MAPK10: variants seen among roughly 807,000 people sequenced by gnomAD.
The protein encoded by MAPK10 is JNK3 alpha protein kinase.
MAPK10 carries 25 observed loss-of-function variants against 59.3 expected under a neutral mutation model. The observed-to-expected ratio is 0.42, with a 90% CI of 0.31 to 0.59. The LOEUF is 0.59. Ranked by LOEUF, MAPK10 falls within the 20% of genes least tolerant of loss-of-function variation. The probability of loss-of-function intolerance (pLI) is 0.15; values close to 1 mark genes in which losing one functional copy is unlikely to be tolerated. For missense variants in MAPK10, 351 were observed against 568.9 expected (o/e 0.62, Z 3.90); for synonymous variants, 190 against 200.5 (o/e 0.95, Z 0.44).
intron 1 of MAPK10, among the ~76,000 whole-genome samples, chr4:86,571,187 GT>G (rs1008918750): frequency 4.6e-4 from 65 of 140,018 alleles, no homozygotes; most frequent in South Asian, 6.8e-4. Flanking sequence ...AATACTTAGG[GT>G]TTTTTTTTTA....
chr4:86,542,582 C>G lies in MAPK10; in HGVS notation c.-263+51328G>C, dbSNP rs1310774841. The stretch of plus-strand genomic sequence containing the variant: ...CGCACCTGTGAATAGCCACTGCACT[C>G]TAGCCTGGGCAACGTGAGACTCTCT... On this transcript the variant is annotated intron_variant, in intron 1 of 4. Coordinates refer to the MAPK10 transcript ENST00000502302. The G allele has an allele frequency of 1.9e-5, 3 of 154,282 alleles. No homozygotes were observed. The Admixed American group carries it at 2.0e-4, about 10-fold the overall frequency. 9.6% of individuals were successfully genotyped at this position (154,282 alleles called of 1,614,324 possible).
chr4:86,245,330 G>A (rs1335824245), intron 2 of MAPK10, among the ~76,000 whole-genome samples: 1 of 72,816 alleles, frequency 1.4e-5, no homozygotes, highest in Admixed American at 1.3e-4. Flanking sequence ...TTTTTTTTTT[G>A]AGACAGGCTC....
At chr4:86,362,511 C>T (rs2148985875), upstream of MAPK10, among the ~76,000 whole-genome samples, 1 of 151,640 alleles carries the variant, frequency 6.6e-6, no homozygotes, top group Non-Finnish European at 1.5e-5. Flanking sequence ...CTAGATGATA[C>T]ATATATCTGA....
chr4:86,028,287 T>G (rs1751351435), intron 13 of MAPK10: 2 of 152,142 alleles, frequency 1.3e-5, no homozygotes, highest in Admixed American at 6.5e-5. Context: ...GGGAAAAACT[T>G]GGGATAAAAC....
At chr4:86,176,063 A>T (rs2075624374) in intron 3 of MAPK10, 1 of 152,182 alleles carries the variant, frequency 6.6e-6, no homozygotes, top group Non-Finnish European at 1.5e-5. Flanking sequence ...ACCAAAGTGG[A>T]CATTCTTCTT....
intron 2 of MAPK10, among the ~76,000 whole-genome samples, chr4:86,221,329 C>T (rs1014792446): frequency 2.6e-5 from 4 of 152,246 alleles, no homozygotes; most frequent in South Asian, 2.1e-4. Flanking sequence ...AAAGCCACAT[C>T]GGATGGCTAC....
chr4:86,499,451 G>A (rs1270758278), intron 1 of MAPK10, among the ~76,000 whole-genome samples: 10 of 152,100 alleles, frequency 6.6e-5, no homozygotes, highest in South Asian at 2.1e-4. Flanking sequence ...TTGTTGGTTC[G>A]GTTATTTTCT....
Position 86,393,305 on chromosome 4 carries a change from T to C in MAPK10, c.-121-38661A>G, listed in dbSNP as rs921174627. Among the ~76,000 whole-genome samples the C allele has an allele frequency of 8.0e-4, 121 of 152,196 alleles. 1 individual carries two copies. Among genetic ancestry groups the C allele is most frequent in the African/African-American group, 2.8e-3 (116 of 41,536 alleles). On this transcript the variant is annotated intron_variant, in intron 1 of 13. Transcript: ENST00000361569. ...GGCCATCTAAGTTCTTTTCTTGCAA[T>C]TTCCACTTCTATATCAAATCAATGA... is the stretch of plus-strand genomic sequence containing the variant.
intron 1 of MAPK10, among the ~76,000 whole-genome samples, chr4:86,384,400 G>A (rs1262647189): frequency 1.3e-5 from 2 of 152,144 alleles, no homozygotes; most frequent in Non-Finnish European, 1.5e-5. Flanking sequence ...GAAGGCCAGC[G>A]ATGGATGGGA....
At chr4:86,124,010 T>C (rs1001342399) in intron 4 of MAPK10, 3 of 152,056 alleles carry the variant, frequency 2.0e-5, no homozygotes, top group Admixed American at 6.6e-5. Flanking sequence ...AATAAAGCTA[T>C]GGAAGGTCAT....
At chr4:86,584,464 C>T (rs1018642135) in intron 1 of MAPK10, among the ~76,000 whole-genome samples, 7 of 152,002 alleles carry the variant, frequency 4.6e-5, no homozygotes, top group African/African-American at 1.2e-4. Flanking sequence ...GGAGTTCCTA[C>T]GAGAGGGTCT....
At chr4:86,520,078 T>C (rs1757003122) in intron 1 of MAPK10, among the ~76,000 whole-genome samples, 1 of 152,210 alleles carries the variant, frequency 6.6e-6, no homozygotes, top group South Asian at 2.1e-4. Flanking sequence ...TTAGGTAACC[T>C]GATGACTATG....
chr4:86,139,704 G>A (rs1344788313), intron 4 of MAPK10, among the ~76,000 whole-genome samples: 2 of 152,096 alleles, frequency 1.3e-5, no homozygotes, highest in African/African-American at 2.4e-5. Flanking sequence ...AAACTAAAGA[G>A]CTTCTGCACA....
intron 11 of MAPK10, among the ~76,000 whole-genome samples, chr4:86,058,774 A>G (rs3775183): frequency 0.43 from 64,563 of 150,118 alleles, 16,936 homozygotes; most frequent in African/African-American, 0.59. Flanking sequence ...TCTCCTGACT[A>G]CCCAGCTGGT....
At chr4:86,165,818 A>C (rs1447965801) in intron 3 of MAPK10, among the ~76,000 whole-genome samples, 1 of 152,122 alleles carries the variant, frequency 6.6e-6, no homozygotes, top group African/African-American at 2.4e-5. Context: ...TACTCTCAGC[A>C]GAGGGTTACA....
chr4:86,357,951 T>C (rs1735363474), intron 1 of MAPK10: 1 of 343,828 alleles, frequency 2.9e-6, no homozygotes, highest in Admixed American at 6.5e-5. Flanking sequence ...CACACCACCT[T>C]TGTCATCTGA....
chr4:86,478,937 AC>A (rs1410835182), intron 1 of MAPK10, among the ~76,000 whole-genome samples: 4 of 150,966 alleles, frequency 2.6e-5, no homozygotes, highest in Admixed American at 2.6e-4. Flanking sequence ...CTATTCTACT[AC>A]TCCTCAGAGA....
intron 13 of MAPK10, among the ~76,000 whole-genome samples, chr4:86,019,253 A>T (rs577042340): frequency 2.1e-4 from 32 of 152,064 alleles, no homozygotes; most frequent in African/African-American, 7.2e-4. Flanking sequence ...TTTAATATGT[A>T]TTTTTTTGGG....
chr4:86,255,565 T>C (rs1355720502), intron 2 of MAPK10, among the ~76,000 whole-genome samples: 3 of 152,234 alleles, frequency 2.0e-5, no homozygotes, highest in Non-Finnish European at 4.4e-5. Flanking sequence ...ACACCATATA[T>C]CTAACTCAAA....
Sources: allele counts gnomAD v4.1 joint callset (sites outside exome capture counted in the v4.1 genomes callset), GRCh38; gene constraint gnomAD v4.1.1; transcripts MANE v1.5; gene names NCBI Gene and HGNC (gene_info 2026-07-23, HGNC 2026-07-21).